ZNF438: variants seen among roughly 807,000 people sequenced by gnomAD.
ZNF438 encodes zinc finger protein 438.
ZNF438 carries 25 observed loss-of-function variants against 38.0 expected under a neutral mutation model. The ratio of observed to expected loss-of-function variants is 0.66; its 90% confidence interval spans 0.48 to 0.92. The LOEUF is 0.92. Ranked by LOEUF, ZNF438 falls within the 40% of genes least tolerant of loss-of-function variation. The probability of loss-of-function intolerance (pLI) is 0.00; values close to 1 mark genes in which losing one functional copy is unlikely to be tolerated. For synonymous variants in ZNF438, 372 were observed against 364.1 expected (o/e 1.02, Z -0.25); for missense variants, 1,007 against 999.6 (o/e 1.01, Z -0.10).
intron 3 of ZNF438, among the ~76,000 whole-genome samples, chr10:30,881,622 T>C (rs2039273325): frequency 6.6e-6 from 1 of 152,036 alleles, no homozygotes; most frequent in South Asian, 2.1e-4. Flanking sequence ...TTTGTAGAAA[T>C]TAACCAATTT....
intron 1 of ZNF438, among the ~76,000 whole-genome samples, chr10:30,994,728 T>TA (rs2053870336): frequency 6.6e-6 from 1 of 152,060 alleles, no homozygotes; most frequent in Non-Finnish European, 1.5e-5. Flanking sequence ...GAGGCAGAAA[T>TA]AATACTTAAA....
intron 1 of ZNF438, among the ~76,000 whole-genome samples, chr10:30,953,562 T>G (rs532966073): frequency 6.7e-6 from 1 of 150,258 alleles, no homozygotes; most frequent in Non-Finnish European, 1.5e-5. Flanking sequence ...TATTTCATAA[T>G]GATGTAAGAA....
chr10:30,918,982 T>G (rs1464792252), intron 2 of ZNF438: 1 of 152,238 alleles, frequency 6.6e-6, no homozygotes, highest in Non-Finnish European at 1.5e-5. Context: ...TTAGCTTTCA[T>G]TTTGAGCAGA....
chr10:30,879,036 A>G (rs920830877), intron 3 of ZNF438, among the ~76,000 whole-genome samples: 6 of 152,148 alleles, frequency 3.9e-5, no homozygotes, highest in African/African-American at 1.4e-4. Context: ...GATTTCCAGA[A>G]TACTGGAAAA....
At chr10:30,990,809 G>C (rs576773464) in intron 1 of ZNF438, among the ~76,000 whole-genome samples, 1 of 151,710 alleles carries the variant, frequency 6.6e-6, no homozygotes, top group African/African-American at 2.4e-5. Flanking sequence ...GGAACGTAAA[G>C]ATTAAGAATC....
intron 1 of ZNF438, among the ~76,000 whole-genome samples, chr10:30,987,950 T>G (rs2053036854): frequency 6.6e-6 from 1 of 152,192 alleles, no homozygotes. Flanking sequence ...CGAACTTACT[T>G]TTTTACTTAA....
At position 30,938,434 on chromosome 10, in the gene ZNF438, C is replaced by T. The variant is rs143367316; in HGVS notation, c.-115+3141G>A. On this transcript the variant is annotated intron_variant, in intron 2 of 5. Transcript: ENST00000413025. ...GGGATTACAGGTGCACGCCACCATG[C>T]CTGGCTAATTTGTGTATTTTTAGTA... Among the ~76,000 whole-genome samples, 273 of 152,282 alleles carry T rather than the reference C, an allele frequency of 1.8e-3. 3 individuals are homozygous for T. Among genetic ancestry groups the T allele is most frequent in the African/African-American group, 5.7e-3 (238 of 41,566 alleles).
At chr10:30,907,131 C>G (rs559458218) in intron 3 of ZNF438, among the ~76,000 whole-genome samples, 1 of 152,176 alleles carries the variant, frequency 6.6e-6, no homozygotes, top group Admixed American at 6.5e-5. Flanking sequence ...TTCGCCACCA[C>G]GCCCAGCTAA....
chr10:30,850,506 T>C (rs1442306184), intron 4 of ZNF438, 139 bp from the exon 6 acceptor site: 2 of 901,834 alleles, frequency 2.2e-6, no homozygotes, highest in East Asian at 2.7e-5. Context: ...AAATCTTGTG[T>C]CCCTCAAGAC....
chr10:30,981,326 T>C (rs937844744), intron 1 of ZNF438, among the ~76,000 whole-genome samples: 1 of 152,174 alleles, frequency 6.6e-6, no homozygotes, highest in African/African-American at 2.4e-5. Flanking sequence ...CAGATATTCT[T>C]ACCTAGAAAA....
rs75395875 is a variant in ZNF438, at chr10:30,945,076, A to T, written c.-191-3425T>A. On this transcript the variant is annotated intron_variant, in intron 1 of 5. Transcript: ENST00000413025. ...TTTTTTTTTTACTGATATTCTGCCT[A>T]CTTGTTCTAGCAACTGAAAGAAAAG... Among the ~76,000 whole-genome samples the T allele has an allele frequency of 4.5e-3, 665 of 149,234 alleles. 9 individuals are homozygous for T. The highest frequency in any genetic ancestry group is 0.015 in the African/African-American group (619 of 40,588).
chr10:30,933,148 A>G (rs2045877647), intron 2 of ZNF438, among the ~76,000 whole-genome samples: 1 of 152,204 alleles, frequency 6.6e-6, no homozygotes, highest in South Asian at 2.1e-4. Flanking sequence ...CATCCAATCA[A>G]TTTGCTATTT....
At chr10:30,893,344 C>T (rs919731871) in intron 3 of ZNF438, among the ~76,000 whole-genome samples, 1 of 152,176 alleles carries the variant, frequency 6.6e-6, no homozygotes, top group Admixed American at 6.5e-5. Flanking sequence ...GTCCCACCAA[C>T]AAACTACAAA....
chr10:30,860,617 G>A (rs964680702), intron 4 of ZNF438, among the ~76,000 whole-genome samples: 4 of 152,038 alleles, frequency 2.6e-5, no homozygotes, highest in African/African-American at 9.7e-5. Context: ...AATCCAATCC[G>A]TCTTGCCAGG....
chr10:31,018,629 T>C (rs1319142059), intron 1 of ZNF438, among the ~76,000 whole-genome samples: 2 of 152,226 alleles, frequency 1.3e-5, no homozygotes, highest in Non-Finnish European at 2.9e-5. Flanking sequence ...TTTTGTACTA[T>C]ACAGGCTATG....
intron 3 of ZNF438, among the ~76,000 whole-genome samples, chr10:30,888,386 T>G (rs1055927726): frequency 6.7e-4 from 78 of 116,330 alleles, no homozygotes; most frequent in African/African-American, 2.8e-3. Context: ...GCTTTTATTT[T>G]AGGTTCAGGA....
At chr10:30,891,151 T>C (rs1352651633) in intron 3 of ZNF438, among the ~76,000 whole-genome samples, 1 of 152,198 alleles carries the variant, frequency 6.6e-6, no homozygotes, top group Non-Finnish European at 1.5e-5. Context: ...AATCAGAAAA[T>C]TTGTGCATTT....
exon 5 of ZNF438, chr10:30,849,883 A>T: frequency 6.2e-7 from 1 of 1,614,004 alleles, no homozygotes; most frequent in South Asian, 1.1e-5. Context: ...CCTCAAATGG[A>T]CTGGGTTTGT....
At chr10:30,946,441 C>A (rs1247747347) in intron 1 of ZNF438, among the ~76,000 whole-genome samples, 2 of 152,078 alleles carry the variant, frequency 1.3e-5, no homozygotes, top group African/African-American at 2.4e-5. Context: ...TCGCAACCTA[C>A]TCATCTGACA....
Sources: gnomAD v4.1 joint callset for allele counts (sites outside exome capture counted in the v4.1 genomes callset) on GRCh38, gnomAD v4.1.1 for gene constraint, MANE v1.5 for transcripts, NCBI Gene and HGNC (gene_info 2026-07-23, HGNC 2026-07-21) for gene names.